The following IGSF21 variants were observed in gnomAD, a reference collection of about 807,000 sequenced individuals.
The protein encoded by IGSF21 is immunoglobulin superfamily member 21.
Under a neutral mutation model 46.8 loss-of-function variants are expected in IGSF21, and 28 were observed. That is an observed-to-expected ratio of 0.60 (90% CI 0.44 to 0.82). The LOEUF is 0.82. Ranked by LOEUF, IGSF21 falls within the 40% of genes least tolerant of loss-of-function variation. The pLI is 0.00. For missense variants in IGSF21, 624 were observed against 665.5 expected, an observed-to-expected ratio of 0.94 and a Z score of 0.69; for synonymous variants, 284 against 273.6, an observed-to-expected ratio of 1.04 and a Z score of -0.38.
At position 18,143,811 on chromosome 1, in the gene IGSF21, C is replaced by T. The variant is rs180930246; in HGVS notation, c.70+35613C>T. 3.3e-5 allele frequency among the ~76,000 whole-genome samples: 5 copies of T among 152,278 alleles called. No individual in the cohort carries two copies. The East Asian group carries it at 9.7e-4, about 29-fold the overall frequency. Reference sequence around the variant, plus strand: ...CTTCTCTGGGCGAGGTCTTGTCTTTCTGTTTAGGTGGGAGCTCTTAGGTGG... The same window carrying T: ...CTTCTCTGGGCGAGGTCTTGTCTTTTTGTTTAGGTGGGAGCTCTTAGGTGG... On this transcript the variant is annotated intron_variant, in intron 1 of 9. Transcript: ENST00000251296.
intron 1 of IGSF21, among the ~76,000 whole-genome samples, chr1:18,148,723 GGTGA>G (rs2086493356): frequency 6.6e-6 from 1 of 152,164 alleles, no homozygotes; most frequent in Non-Finnish European, 1.5e-5. Flanking sequence ...TGTGTGCCAC[GGTGA>G]GTAAGCATAG....
At chr1:18,180,347 G>T (rs1312166841) in intron 1 of IGSF21, among the ~76,000 whole-genome samples, 1 of 152,188 alleles carries the variant, frequency 6.6e-6, no homozygotes, top group Non-Finnish European at 1.5e-5. Flanking sequence ...GCACATACAT[G>T]GCAGTTACAA....
Position 18,365,247 on chromosome 1 carries a change from C to A in IGSF21, c.565C>A (p.Pro189Thr). Residue 189 changes from proline to threonine, a missense_variant, in exon 6 of 10, where the codon CCA becomes ACA. Coordinates refer to ENST00000251296, the MANE Select transcript of IGSF21 (RefSeq NM_032880.5). The surrounding 1 kb of genome is among the most constrained non-coding windows in gnomAD (Gnocchi z 4.8). Reference protein sequence around the residue: ...PMVYFKRDGEPIDAVPLSEPP... With the variant: ...PMVYFKRDGETIDAVPLSEPP... The stretch of plus-strand genomic sequence containing the variant: ...GGTTTATTTCAAACGAGATGGGGAA[C>A]CAATCGACGCAGTGCCCCTATCAGA... The A allele has an allele frequency of 6.2e-7, 1 of 1,604,812 alleles. No homozygotes were observed. Among genetic ancestry groups the A allele is most frequent in the Non-Finnish European group, 8.5e-7 (1 of 1,174,390 alleles).
At chr1:18,236,154 A>G (rs2084670946) in intron 2 of IGSF21, among the ~76,000 whole-genome samples, 1 of 152,128 alleles carries the variant, frequency 6.6e-6, no homozygotes. Flanking sequence ...GAATTGTAAT[A>G]ATTTCCATGT....
chr1:18,286,884 T>C (rs903874797), intron 2 of IGSF21, among the ~76,000 whole-genome samples: 1 of 152,064 alleles, frequency 6.6e-6, no homozygotes, highest in Non-Finnish European at 1.5e-5. Context: ...ACAGGACAGA[T>C]AAAGACCCCA....
At chr1:18,314,560 G>T (rs2085521659) in intron 3 of IGSF21, among the ~76,000 whole-genome samples, 1 of 152,186 alleles carries the variant, frequency 6.6e-6, no homozygotes, top group Admixed American at 6.5e-5. Flanking sequence ...TAATAAGCCT[G>T]CAAGGAGCGC....
intron 3 of IGSF21, among the ~76,000 whole-genome samples, chr1:18,330,374 G>A (rs2124602470): frequency 6.6e-6 from 1 of 152,338 alleles, no homozygotes; most frequent in African/African-American, 2.4e-5. Context: ...CAGGTGAGGG[G>A]TGTACAGCGA....
At chr1:18,146,416 C>A (rs184842502) in intron 1 of IGSF21, among the ~76,000 whole-genome samples, 1 of 152,194 alleles carries the variant, frequency 6.6e-6, no homozygotes, top group Admixed American at 6.5e-5. Flanking sequence ...AGCGGGCGAC[C>A]TTGACTGAGT....
chr1:18,194,913 G>T (rs921073978), intron 1 of IGSF21, among the ~76,000 whole-genome samples: 1 of 152,206 alleles, frequency 6.6e-6, no homozygotes, highest in Non-Finnish European at 1.5e-5. Context: ...TCACAATCAT[G>T]GTGGAAGATG....
In IGSF21 at chr1:18,121,507, C is replaced by T. The variant is rs576609296; in HGVS notation, c.70+13309C>T. ...ATTTTGTCCGTTGAAATTCATGAGA[C>T]GCTTACCCATTTGGTGCTTTGCTGA... On this transcript the variant is annotated intron_variant, in intron 1 of 9. Coordinates refer to ENST00000251296, the MANE Select transcript of IGSF21 (RefSeq NM_032880.5). Among the ~76,000 whole-genome samples the T allele has an allele frequency of 5.9e-5, 9 of 152,234 alleles. No homozygotes were observed. In the South Asian group the frequency reaches 6.2e-4, roughly 11 times the overall value.
At chr1:18,312,509 G>C (rs769463749) in intron 3 of IGSF21, among the ~76,000 whole-genome samples, 1 of 151,518 alleles carries the variant, frequency 6.6e-6, no homozygotes, top group South Asian at 2.1e-4. Context: ...AGTGTTGATC[G>C]GGCTGTGCTT....
chr1:18,314,890 G>A (rs2085525350), intron 3 of IGSF21, among the ~76,000 whole-genome samples: 1 of 152,152 alleles, frequency 6.6e-6, no homozygotes, highest in African/African-American at 2.4e-5. Flanking sequence ...ACAATGATGG[G>A]GACTCTTGCT....
chr1:18,254,592 G>A (rs976425421), intron 2 of IGSF21, among the ~76,000 whole-genome samples: 7 of 152,110 alleles, frequency 4.6e-5, no homozygotes, highest in African/African-American at 1.7e-4. Context: ...TTCTAGTCTA[G>A]TAGGTGCCAT....
chr1:18,151,935 A>G (rs1473863650), intron 1 of IGSF21, among the ~76,000 whole-genome samples: 1 of 152,140 alleles, frequency 6.6e-6, no homozygotes, highest in Non-Finnish European at 1.5e-5. Context: ...GGTTTCAAGC[A>G]GGTTGCTCCA....
intron 3 of IGSF21, among the ~76,000 whole-genome samples, chr1:18,313,971 G>A (rs1438819565): frequency 6.6e-6 from 1 of 152,116 alleles, no homozygotes; most frequent in Non-Finnish European, 1.5e-5. Context: ...ATTTGGCTCT[G>A]ATCAAATTAG....
intron 1 of IGSF21, among the ~76,000 whole-genome samples, chr1:18,190,238 C>A (rs1174182132): frequency 1.3e-5 from 2 of 152,240 alleles, no homozygotes; most frequent in Admixed American, 6.5e-5. Context: ...GGATCCACAG[C>A]CAGCTCCCTC....
intron 1 of IGSF21, among the ~76,000 whole-genome samples, chr1:18,172,011 A>C (rs1243373033): frequency 6.6e-5 from 10 of 152,184 alleles, no homozygotes; most frequent in Admixed American, 6.5e-4. Flanking sequence ...TGTCCCCTGG[A>C]CAGGATTGTG....
At chr1:18,154,669 A>C in intron 1 of IGSF21, among the ~76,000 whole-genome samples, 1 of 23,434 alleles carries the variant, frequency 4.3e-5, no homozygotes, top group Non-Finnish European at 8.8e-5. Flanking sequence ...GGATGTGGGG[A>C]GGGGTGGGGG....
chr1:18,154,018 C>G (rs2086545386), intron 1 of IGSF21, among the ~76,000 whole-genome samples: 1 of 152,332 alleles, frequency 6.6e-6, no homozygotes, highest in Non-Finnish European at 1.5e-5. Flanking sequence ...CTAGGTCTCA[C>G]CACCTTATCT....
Sources: gnomAD v4.1 joint callset for allele counts (sites outside exome capture counted in the v4.1 genomes callset) on GRCh38, gnomAD v4.1.1 for gene constraint, Gnocchi (gnomAD v3.1) non-coding constraint, MANE v1.5 for transcripts, NCBI Gene and HGNC (gene_info 2026-07-23, HGNC 2026-07-21) for gene names.